EPB41L2: variants seen among roughly 807,000 people sequenced by gnomAD.
The protein encoded by EPB41L2 is band 4.1-like protein 2.
EPB41L2 carries 43 observed loss-of-function variants against 113.0 expected under a neutral mutation model. The observed-to-expected ratio is 0.38, with a 90% CI of 0.30 to 0.49. The LOEUF is 0.49. Ranked by LOEUF, EPB41L2 falls within the 20% of genes least tolerant of loss-of-function variation. The pLI, the probability that EPB41L2 is intolerant of heterozygous loss-of-function variation, is 0.95. For missense variants in EPB41L2, 1,147 were observed against 1,223.4 expected (o/e 0.94, Z 0.93); for synonymous variants, 442 against 436.7 (o/e 1.01, Z -0.15).
chr6:130,889,300 T>A (rs1792033117), intron 11 of EPB41L2, among the ~76,000 whole-genome samples: 1 of 151,964 alleles, frequency 6.6e-6, no homozygotes, highest in African/African-American at 2.4e-5. Flanking sequence ...CTAATATAAA[T>A]TTAACCTTAG....
At chr6:130,935,635 T>TA (rs955533064) in intron 3 of EPB41L2, among the ~76,000 whole-genome samples, 3 of 152,226 alleles carry the variant, frequency 2.0e-5, no homozygotes, top group African/African-American at 7.2e-5. Context: ...CCCCTTTTTT[T>TA]AAAAAGAAAA....
At chr6:130,979,962 A>G (rs2128672689) in intron 1 of EPB41L2, among the ~76,000 whole-genome samples, 1 of 152,324 alleles carries the variant, frequency 6.6e-6, no homozygotes, top group East Asian at 1.9e-4. Context: ...AAAAATCTCC[A>G]GGCAGAGAGA....
Position 130,839,493 on chromosome 6 carries a change from A to G in EPB41L2, c.*1111T>C, listed in dbSNP as rs1583411676. 2 of 152,328 alleles carry G rather than the reference A, an allele frequency of 1.3e-5. No individual in the cohort carries two copies. Among genetic ancestry groups the G allele is most frequent in the South Asian group, 2.1e-4 (1 of 4,826 alleles). 9.4% of individuals were successfully genotyped at this position (152,328 alleles called of 1,614,324 possible). On this transcript the variant is annotated 3_prime_UTR_variant, in exon 20 of 20. Transcript: ENST00000337057. ...AAGGAAAAAATGTTCAATATAGTTA[A>G]TAAGTCCCTATCGGGTCTCTGGTGC... is the stretch of plus-strand genomic sequence containing the variant.
chr6:131,031,583 C>T (rs1022845406), intron 1 of EPB41L2, among the ~76,000 whole-genome samples: 1 of 152,130 alleles, frequency 6.6e-6, no homozygotes, highest in Non-Finnish European at 1.5e-5. Context: ...TCATTCAATT[C>T]TTCTGTCATA....
Position 130,965,781 on chromosome 6 carries a change from T to C in EPB41L2, c.-14-9282A>G, listed in dbSNP as rs139799805. Among the ~76,000 whole-genome samples the C allele has an allele frequency of 2.8e-4, 42 of 152,292 alleles. 1 individual carries two copies. Among genetic ancestry groups the C allele is most frequent in the African/African-American group, 8.9e-4 (37 of 41,570 alleles). On this transcript the variant is annotated intron_variant, in intron 1 of 19. Coordinates refer to ENST00000337057, the MANE Select transcript of EPB41L2 (RefSeq NM_001431.4). ...ATCCAAAAGTTTAATCATGCACTCATTGAGCAAGACTATGGGAATGCAGGC... is the reference window on the plus strand; with the variant it reads ...ATCCAAAAGTTTAATCATGCACTCACTGAGCAAGACTATGGGAATGCAGGC...
intron 1 of EPB41L2, among the ~76,000 whole-genome samples, chr6:131,010,192 A>T (rs1786582356): frequency 6.6e-6 from 1 of 152,232 alleles, no homozygotes; most frequent in Non-Finnish European, 1.5e-5. Context: ...GCACATAAGC[A>T]TATAAACCCC....
intron 8 of EPB41L2, among the ~76,000 whole-genome samples, chr6:130,898,152 T>C (rs780012782): frequency 6.6e-6 from 1 of 151,706 alleles, no homozygotes; most frequent in Non-Finnish European, 1.5e-5. Context: ...TATTTCTGCA[T>C]AAAAAGATTT....
At chr6:130,991,765 A>T (rs1457116583) in intron 1 of EPB41L2, among the ~76,000 whole-genome samples, 1 of 152,258 alleles carries the variant, frequency 6.6e-6, no homozygotes, top group Non-Finnish European at 1.5e-5. Context: ...ATGAAGATGC[A>T]TATGTGCTTA....
chr6:130,877,910 GCAATTTACCTAAGAACTAGGCC>G (rs1201631128), intron 14 of EPB41L2, among the ~76,000 whole-genome samples, 172 bp downstream of exon 14: 3 of 152,056 alleles, frequency 2.0e-5, no homozygotes, highest in African/African-American at 7.2e-5. Context: ...TGAAACTCAT[GCAATTTACCTAAGAACTAGGCC>G]AATAACTATT....
intron 5 of EPB41L2, among the ~76,000 whole-genome samples, chr6:130,905,507 G>A (rs1345101167): frequency 6.6e-6 from 1 of 150,800 alleles, no homozygotes; most frequent in African/African-American, 2.4e-5. Context: ...CAACCTCAAC[G>A]TCCCAGGCCT....
At chr6:131,044,454 G>A (rs1391325140) in intron 1 of EPB41L2, among the ~76,000 whole-genome samples, 1 of 152,108 alleles carries the variant, frequency 6.6e-6, no homozygotes, top group African/African-American at 2.4e-5. Context: ...AAACAATTGA[G>A]ACATTTTTGA....
chr6:131,027,232 TG>T (rs1373640642), intron 1 of EPB41L2, among the ~76,000 whole-genome samples: 2 of 152,240 alleles, frequency 1.3e-5, no homozygotes, highest in Non-Finnish European at 2.9e-5. Context: ...TTTTTTTGTT[TG>T]TTTTTTTGTC....
chr6:130,850,552 T>G (rs931297063), intron 19 of EPB41L2, among the ~76,000 whole-genome samples: 1 of 151,574 alleles, frequency 6.6e-6, no homozygotes, highest in African/African-American at 2.4e-5. Context: ...AAAGGGGGGG[T>G]GTGTGTATGT....
At chr6:130,942,612 T>A (rs559127312) in intron 3 of EPB41L2, among the ~76,000 whole-genome samples, 2 of 152,350 alleles carry the variant, frequency 1.3e-5, no homozygotes, top group South Asian at 2.1e-4. Context: ...TATATTTTTT[T>A]AAATTATACT....
chr6:130,899,900 C>T (rs1414040442), intron 7 of EPB41L2, among the ~76,000 whole-genome samples: 1 of 152,192 alleles, frequency 6.6e-6, no homozygotes, highest in Non-Finnish European at 1.5e-5. Context: ...GAATAAAAAA[C>T]AGTGATCTCA....
At chr6:130,847,862 T>C (rs544160515) in intron 19 of EPB41L2, among the ~76,000 whole-genome samples, 1 of 152,256 alleles carries the variant, frequency 6.6e-6, no homozygotes, top group Admixed American at 6.5e-5. Context: ...AAAGCTTCTT[T>C]TAAATAACAA....
intron 1 of EPB41L2, among the ~76,000 whole-genome samples, chr6:130,983,522 T>C (rs1217272578): frequency 6.6e-6 from 1 of 150,494 alleles, no homozygotes; most frequent in East Asian, 1.9e-4. Context: ...CTATAGACTT[T>C]TTTTTTTTTT....
chr6:131,017,100 T>C (rs1788414511), intron 1 of EPB41L2, among the ~76,000 whole-genome samples: 1 of 152,170 alleles, frequency 6.6e-6, no homozygotes, highest in Non-Finnish European at 1.5e-5. Flanking sequence ...AAATGGTAAG[T>C]TCAAGTCCAA....
intron 4 of EPB41L2, among the ~76,000 whole-genome samples, chr6:130,920,980 T>C (rs1802695157): frequency 6.6e-6 from 1 of 151,890 alleles, no homozygotes; most frequent in Admixed American, 6.6e-5. Flanking sequence ...TGTGTAAAAG[T>C]CTCCATCAAG....
Sources: gnomAD v4.1 joint callset for allele counts (sites outside exome capture counted in the v4.1 genomes callset) on GRCh38, gnomAD v4.1.1 for gene constraint, MANE v1.5 for transcripts, NCBI Gene and HGNC (gene_info 2026-07-23, HGNC 2026-07-21) for gene names.